Variants in RNF213 observed in about 807,000 individuals in gnomAD.
The protein encoded by RNF213 is ring finger protein 213, also known as E3 ubiquitin-protein ligase RNF213.
In RNF213, 341 loss-of-function variants were observed where a neutral mutation model predicts 514.4. The ratio of observed to expected loss-of-function variants is 0.66; its 90% CI spans 0.61 to 0.73. RNF213 has a LOEUF of 0.73. RNF213 is among the 30% of genes least tolerant of loss of function. The probability of loss-of-function intolerance (pLI) is 0.00; values close to 1 mark genes in which losing one functional copy is unlikely to be tolerated. For missense variants in RNF213, 5,767 were observed against 6,615.6 expected (o/e 0.87, Z 4.45); for synonymous variants, 2,655 against 2,658.2 (o/e 1.00, Z 0.04).
chr17:80,312,989 C>T, intron 14 of RNF213, 23 bp from the exon 15 acceptor site: 1 of 1,613,440 alleles, frequency 6.2e-7, no homozygotes, highest in Non-Finnish European at 8.5e-7. Context: ...GGATGACTGA[C>T]CCTCCCTCTT....
chr17:80,278,268 G>A (rs1257264441), intron 3 of RNF213, among the ~76,000 whole-genome samples: 2 of 152,220 alleles, frequency 1.3e-5, no homozygotes, highest in Non-Finnish European at 2.9e-5. Flanking sequence ...GGGAGGTGTC[G>A]GATGAGCATG....
intron 11 of RNF213, among the ~76,000 whole-genome samples, chr17:80,299,671 C>T (rs954477845): frequency 1.7e-4 from 26 of 151,960 alleles, no homozygotes; most frequent in Non-Finnish European, 3.1e-4. Context: ...AAATATTAAG[C>T]CTAGTACCCA....
intron 11 of RNF213, among the ~76,000 whole-genome samples, chr17:80,303,329 A>G (rs2045242937): frequency 6.6e-6 from 1 of 152,208 alleles, no homozygotes; most frequent in Non-Finnish European, 1.5e-5. Flanking sequence ...CAGTGAGAAC[A>G]AGACAGTGAC....
In RNF213 at chr17:80,290,748, T is replaced by C. The variant is rs374853942; in HGVS notation, c.1271+20T>C. 13 of 1,613,864 alleles carry C rather than the reference T, an allele frequency of 8.1e-6. No homozygotes were observed. The African/African-American group carries it at 1.6e-4, about 20-fold the overall frequency. ...CACCAGGTGAGCGTGTCTGTAGGCTTGGGAGGAATCCCTCAGGGAAGGCAT... is the reference window on the plus strand; with the variant it reads ...CACCAGGTGAGCGTGTCTGTAGGCTCGGGAGGAATCCCTCAGGGAAGGCAT... On this transcript the variant is annotated intron_variant, in intron 7 of 67. Transcript: ENST00000582970.
rs117589727 is a variant in RNF213, at chr17:80,387,059, G to A, written c.14922+168G>A. Among the ~76,000 whole-genome samples the A allele has an allele frequency of 3.7e-3, 570 of 152,332 alleles. 1 individual carries two copies. The highest frequency in any genetic ancestry group is 6.5e-3 in the Non-Finnish European group (443 of 68,024). On this transcript the variant is annotated intron_variant, in intron 63 of 67. Transcript: ENST00000582970. ...GGCCACCACGCCACCTGTATCTCCG[G>A]GCCGCAGGGCTCTCCTGAGCCCTCT...
At chr17:80,358,822 T>C (rs1396397019) in intron 37 of RNF213, among the ~76,000 whole-genome samples, 8 of 152,080 alleles carry the variant, frequency 5.3e-5, no homozygotes, top group African/African-American at 1.9e-4. Context: ...GGCAGGAGAA[T>C]TGCTTGAACC....
chr17:80,309,955 C>T (rs371120165), intron 14 of RNF213, among the ~76,000 whole-genome samples: 9 of 151,978 alleles, frequency 5.9e-5, no homozygotes, highest in Non-Finnish European at 1.2e-4. Flanking sequence ...GGGGTTTCAC[C>T]GTGTTAGCCA....
chr17:80,339,290 C>T lies in RNF213; in HGVS notation c.4923C>T (p.Ala1641=), dbSNP rs1442005997. Residue 1641 remains alanine (A), a synonymous_variant, in exon 26 of 68, where the codon GCC becomes GCT. Transcript: ENST00000582970. The part of the protein sequence containing the change: ...NMLFRTWIAM[A]YCSPKQGVSL... ...TGTTCAGGACGTGGATCGCCATGGC[C>T]TACTGCTCCCCCAAGCAGGGTGTGT... The T allele has an allele frequency of 6.5e-7, 1 of 1,536,368 alleles. No individual in the cohort carries two copies. Among genetic ancestry groups the T allele is most frequent in the Non-Finnish European group, 8.7e-7 (1 of 1,146,190 alleles).
chr17:80,285,865 A>G (rs6565663), intron 3 of RNF213, among the ~76,000 whole-genome samples: 75,115 of 151,866 alleles, frequency 0.49, 19,005 homozygotes, highest in East Asian at 0.63. Context: ...AGAGATGGGG[A>G]GGATCTCACC....
intron 11 of RNF213, 64 bp downstream of exon 11, chr17:80,298,582 C>A: frequency 6.4e-7 from 1 of 1,559,942 alleles, no homozygotes; most frequent in Non-Finnish European, 8.8e-7. Flanking sequence ...ATTGTGCACC[C>A]GGAGTCCCGG....
intron 32 of RNF213, chr17:80,352,307 TGGGATGGGAGG>T: frequency 4.9e-6 from 1 of 205,966 alleles, no homozygotes; most frequent in Non-Finnish European, 9.9e-6. Flanking sequence ...ACATGAATCC[TGGGATGGGAGG>T]CTGCGTGCAC....
At chr17:80,280,041 C>T (rs779912720) in intron 3 of RNF213, among the ~76,000 whole-genome samples, 21 of 152,338 alleles carry the variant, frequency 1.4e-4, no homozygotes, top group East Asian at 1.2e-3. Context: ...GCATCCACCA[C>T]GCCTAGGTCT....
At chr17:80,372,481 A>G in intron 47 of RNF213, 40 bp from the exon 48 acceptor site, 1 of 1,509,332 alleles carries the variant, frequency 6.6e-7, no homozygotes, top group African/African-American at 1.4e-5. Flanking sequence ...CCATGTTTAA[A>G]AAAATAATAT....
At chr17:80,286,469 C>T (rs2044475581) in intron 3 of RNF213, among the ~76,000 whole-genome samples, 1 of 152,152 alleles carries the variant, frequency 6.6e-6, no homozygotes, top group Non-Finnish European at 1.5e-5. Context: ...CCCTGTCCAG[C>T]TGCGGCCTCG....
intron 37 of RNF213, among the ~76,000 whole-genome samples, chr17:80,359,670 G>A (rs965395556): frequency 1.1e-4 from 17 of 152,078 alleles, no homozygotes; most frequent in African/African-American, 3.4e-4. Context: ...TGAATTGCCA[G>A]TGGAAACACT....
In RNF213 at chr17:80,317,735, G is replaced by C. The variant is rs2045995383; in HGVS notation, c.2901+458G>C. Among the ~76,000 whole-genome samples, 1 of 152,206 alleles carries C rather than the reference G, an allele frequency of 6.6e-6. No individual in the cohort carries two copies. On this transcript the variant is annotated intron_variant, in intron 16 of 67. Coordinates refer to ENST00000582970, the MANE Select transcript of RNF213 (RefSeq NM_001256071.3). The surrounding 1 kb of genome is among the most constrained non-coding windows in gnomAD (Gnocchi z 4.1). ...GAAGCTCCAGAGGGCATGTTACAGT[G>C]CTCTCTTAGCTCCGCCGTCTATGGA...
chr17:80,348,339 A>C, intron 29 of RNF213, 53 bp downstream of exon 29: 1 of 1,598,764 alleles, frequency 6.3e-7, no homozygotes, highest in Non-Finnish European at 8.5e-7. Flanking sequence ...AGAGTCCTAA[A>C]TCCCTCGTGT....
At chr17:80,262,590 C>T (rs528230068) in intron 1 of RNF213, among the ~76,000 whole-genome samples, 1 of 152,228 alleles carries the variant, frequency 6.6e-6, no homozygotes, top group Non-Finnish European at 1.5e-5. Flanking sequence ...CTGCTCCATT[C>T]TGCTGTTTCA....
Position 80,268,611 on chromosome 17 carries a change from C to T in RNF213, c.98-4630C>T, listed in dbSNP as rs557618218. Among the ~76,000 whole-genome samples, 30 of 64,078 alleles carry T rather than the reference C, an allele frequency of 4.7e-4. No individual in the cohort carries two copies. In the South Asian group the frequency reaches 0.013, roughly 28 times the overall value. 42.0% of individuals were successfully genotyped at this position (64,078 alleles called of 152,430 possible). On this transcript the variant is annotated intron_variant, in intron 2 of 67. Coordinates refer to ENST00000582970, the MANE Select transcript of RNF213 (RefSeq NM_001256071.3). ...CATCCTCTCTCATCCATCTGTTTGT[C>T]CATCCATCCATCCATCCATCCATCC...
Sources: allele counts gnomAD v4.1 joint callset (sites outside exome capture counted in the v4.1 genomes callset), GRCh38; gene constraint gnomAD v4.1.1; non-coding constraint Gnocchi (gnomAD v3.1); transcripts MANE v1.5; gene names NCBI Gene and HGNC (gene_info 2026-07-23, HGNC 2026-07-21).